ATG7: variants seen among roughly 807,000 people sequenced by gnomAD.
ATG7 encodes the protein autophagy related 7.
In ATG7, 70 loss-of-function variants were observed where a neutral mutation model predicts 82.4. The ratio of observed to expected loss-of-function variants is 0.85; its 90% CI spans 0.70 to 1.04. The LOEUF (loss-of-function observed/expected upper bound fraction) is 1.04. ATG7 is among the 50% of genes least tolerant of loss of function. ATG7 has a pLI of 0.00. For synonymous variants in ATG7, 287 were observed against 313.0 expected, an observed-to-expected ratio of 0.92 and a Z score of 0.88; for missense variants, 792 against 864.3, an observed-to-expected ratio of 0.92 and a Z score of 1.05.
At chr3:11,277,799 A>G (rs1398763691) in intron 1 of ATG7, among the ~76,000 whole-genome samples, 2 of 150,910 alleles carry the variant, frequency 1.3e-5, no homozygotes, top group Non-Finnish European at 2.9e-5. Flanking sequence ...TCCCAATCCT[A>G]GTAAGCTTGA....
downstream of ATG7, chr3:11,559,603 G>T: frequency 2.4e-6 from 3 of 1,241,974 alleles, no homozygotes; most frequent in Non-Finnish European, 3.2e-6. Context: ...GAGTCCTGTT[G>T]CTAAACACAG....
In ATG7 at chr3:11,484,993, G is replaced by A. The variant is rs573754782; in HGVS notation, c.2079+58067G>A. ...AGTCTTTGCTGTTGTGAATAGTGCC[G>A]CAATAAACATACGTGTGCATGTGTC... On this transcript the variant is annotated intron_variant, in intron 20 of 20. Transcript: ENST00000693202. 3.3e-5 allele frequency among the ~76,000 whole-genome samples: 5 copies of A among 152,206 alleles called. No individual in the cohort carries two copies. In the South Asian group the frequency reaches 6.2e-4, roughly 19 times the overall value.
chr3:11,426,655 A>T, intron 19 of ATG7, 149 bp from the exon 20 acceptor site: 1 of 594,314 alleles, frequency 1.7e-6, no homozygotes, highest in Non-Finnish European at 2.6e-6. Flanking sequence ...AAGCCGTACT[A>T]GTTTTTTGGC....
intron 19 of ATG7, among the ~76,000 whole-genome samples, chr3:11,397,715 C>T (rs2079435149): frequency 8.3e-6 from 1 of 119,800 alleles, no homozygotes; most frequent in African/African-American, 3.2e-5. Flanking sequence ...CCTCGGCCTC[C>T]CAGAGTGCTG....
chr3:11,453,914 G>A lies in ATG7; in HGVS notation c.2079+26988G>A, dbSNP rs543088326. On this transcript the variant is annotated intron_variant, in intron 20 of 20. Transcript: ENST00000693202. ...TCCATCTTAAAGGTTTCTGGATACC[G>A]TAGTTGTTACCTTTCCTCACAAGGG... 1.9e-3 allele frequency among the ~76,000 whole-genome samples: 283 copies of A among 152,310 alleles called. 1 individual carries two copies. Among genetic ancestry groups the A allele is most frequent in the African/African-American group, 2.7e-3 (113 of 41,568 alleles).
At position 11,464,653 on chromosome 3, in the gene ATG7, C is replaced by T. The variant is rs144906921; in HGVS notation, c.2079+37727C>T. The stretch of plus-strand genomic sequence containing the variant: ...ACCATTTAATTAAATATCCCCCAAA[C>T]GAAAGACAAATACAGAAAGTTATTT... On this transcript the variant is annotated intron_variant, in intron 20 of 20. Coordinates refer to ENST00000693202, the MANE Select transcript of ATG7 (RefSeq NM_001349232.2). Among the ~76,000 whole-genome samples the T allele has an allele frequency of 1.8e-3, 275 of 152,316 alleles. 8 individuals are homozygous for T. The highest frequency in any genetic ancestry group is 0.013 in the Admixed American group (202 of 15,304).
chr3:11,500,709 C>T (rs902649210), intron 20 of ATG7, among the ~76,000 whole-genome samples: 1 of 152,196 alleles, frequency 6.6e-6, no homozygotes, highest in African/African-American at 2.4e-5. Context: ...CGTCTCACTG[C>T]AACCTCCACC....
intron 20 of ATG7, chr3:11,477,085 G>T: frequency 7.8e-7 from 1 of 1,287,536 alleles, no homozygotes; most frequent in Non-Finnish European, 1.0e-6. Flanking sequence ...ATCAGTTATT[G>T]CAGCAATTTG....
chr3:11,305,661 G>A (rs1947603997), intron 5 of ATG7, among the ~76,000 whole-genome samples: 1 of 152,146 alleles, frequency 6.6e-6, no homozygotes, highest in African/African-American at 2.4e-5. Context: ...TATTGGAGGA[G>A]CATGGTGACA....
At chr3:11,470,008 A>C (rs866384982) in intron 20 of ATG7, among the ~76,000 whole-genome samples, 1 of 141,094 alleles carries the variant, frequency 7.1e-6, no homozygotes, top group African/African-American at 2.7e-5. Flanking sequence ...AAAAAAAAAA[A>C]AGAGAGAGAG....
At chr3:11,421,948 CT>C (rs1267604502) in intron 19 of ATG7, among the ~76,000 whole-genome samples, 1 of 152,146 alleles carries the variant, frequency 6.6e-6, no homozygotes, top group African/African-American at 2.4e-5. Flanking sequence ...TGAAAGGAAC[CT>C]TTTTTTCTGA....
intron 20 of ATG7, among the ~76,000 whole-genome samples, chr3:11,431,908 A>G (rs1032517706): frequency 3.3e-5 from 5 of 152,322 alleles, no homozygotes; most frequent in African/African-American, 9.6e-5. Flanking sequence ...CCAAGCTAGA[A>G]TCATCTAGAT....
intron 20 of ATG7, among the ~76,000 whole-genome samples, chr3:11,517,160 T>C (rs886723817): frequency 9.9e-5 from 15 of 151,288 alleles, no homozygotes; most frequent in Non-Finnish European, 1.3e-4. Context: ...CTGTATGACA[T>C]TCTAGAAAAG....
chr3:11,376,323 T>G (rs1253779801), intron 18 of ATG7, among the ~76,000 whole-genome samples: 1 of 152,226 alleles, frequency 6.6e-6, no homozygotes, highest in Non-Finnish European at 1.5e-5. Flanking sequence ...ATGAATTTTA[T>G]GGTATGTGAA....
intron 20 of ATG7, among the ~76,000 whole-genome samples, chr3:11,450,913 G>A (rs967854759): frequency 5.5e-4 from 83 of 152,156 alleles, no homozygotes; most frequent in African/African-American, 1.9e-3. Flanking sequence ...GTGTCCTCCA[G>A]GGTGTATTAG....
intron 1 of ATG7, among the ~76,000 whole-genome samples, chr3:11,280,363 G>A (rs867789839): frequency 6.6e-6 from 1 of 152,324 alleles, no homozygotes; most frequent in Middle Eastern, 3.4e-3. Context: ...ATTCTGCACA[G>A]TAGGTGGTAT....
At chr3:11,336,964 T>C (rs145784130) in intron 11 of ATG7, among the ~76,000 whole-genome samples, 110 of 152,290 alleles carry the variant, frequency 7.2e-4, no homozygotes, top group African/African-American at 2.5e-3. Flanking sequence ...TGAGCTACCT[T>C]GCGCAGTCGA....
At chr3:11,463,592 T>C (rs2086547779) in intron 20 of ATG7, among the ~76,000 whole-genome samples, 1 of 144,906 alleles carries the variant, frequency 6.9e-6, no homozygotes, top group South Asian at 2.3e-4. Flanking sequence ...TGGTTTCAAG[T>C]GACATAAACC....
intron 19 of ATG7, among the ~76,000 whole-genome samples, chr3:11,421,599 G>A (rs568964145): frequency 6.6e-6 from 1 of 152,238 alleles, no homozygotes; most frequent in South Asian, 2.1e-4. Context: ...AGTCATCCAT[G>A]AGGGTTGGAA....
Sources: allele counts gnomAD v4.1 joint callset (sites outside exome capture counted in the v4.1 genomes callset), GRCh38; gene constraint gnomAD v4.1.1; transcripts MANE v1.5; gene names NCBI Gene and HGNC (gene_info 2026-07-23, HGNC 2026-07-21).